Variants in INSR observed in about 807,000 individuals in gnomAD.
INSR encodes IR.
Under a neutral mutation model 142.6 loss-of-function variants are expected in INSR, and 67 were observed. That is an observed-to-expected ratio of 0.47 (90% confidence interval 0.39 to 0.58). The LOEUF is 0.58. INSR is among the 20% of genes least tolerant of loss of function. The pLI is 0.00. For synonymous variants in INSR, 756 were observed against 743.1 expected (o/e 1.02, Z -0.28); for missense variants, 1,248 against 1,833.2 (o/e 0.68, Z 5.83).
intron 9 of INSR, among the ~76,000 whole-genome samples, chr19:7,160,958 T>C (rs1973732521): frequency 6.8e-6 from 1 of 146,008 alleles, no homozygotes; most frequent in Non-Finnish European, 1.5e-5. Flanking sequence ...ATCAAGCCAC[T>C]GCACTCCAGC....
intron 1 of INSR, among the ~76,000 whole-genome samples, chr19:7,273,507 C>G (rs546772902): frequency 1.3e-5 from 2 of 149,636 alleles, no homozygotes; most frequent in Non-Finnish European, 3.0e-5. Context: ...CTAATATTTT[C>G]TTTTTTCTTT....
intron 2 of INSR, among the ~76,000 whole-genome samples, chr19:7,217,953 C>T (rs774448347): frequency 2.0e-5 from 3 of 152,164 alleles, no homozygotes; most frequent in Non-Finnish European, 4.4e-5. Flanking sequence ...AGATAAATTC[C>T]CCAGGAATGG....
chr19:7,154,638 A>AGGTGGCTG (rs2144904154), intron 9 of INSR, among the ~76,000 whole-genome samples: 1 of 147,914 alleles, frequency 6.8e-6, no homozygotes, highest in African/African-American at 2.5e-5. Flanking sequence ...AGAAACTGCC[A>AGGTGGCTG]GGTGGCTGGG....
chr19:7,261,831 C>T (rs1477761357), intron 2 of INSR, among the ~76,000 whole-genome samples: 10 of 152,100 alleles, frequency 6.6e-5, no homozygotes, highest in African/African-American at 2.4e-4. Flanking sequence ...CACACCCGGC[C>T]CCCTTAACCA....
At chr19:7,135,836 T>C (rs1243661951) in intron 13 of INSR, among the ~76,000 whole-genome samples, 1 of 151,764 alleles carries the variant, frequency 6.6e-6, no homozygotes. Context: ...GGCGAGGTCG[T>C]GGGTTCCTGT....
Position 7,126,506 on chromosome 19 carries a change from C to A in INSR, c.3013+78G>T. On this transcript the variant is annotated intron_variant, in intron 16 of 21. Transcript: ENST00000302850. ...TGGCCTCCCTGGGGAACCCATCCTT[C>A]ACTCTCACTCAATGGTGAAGGCAAA... 3.1e-6 allele frequency: 4 copies of A among 1,300,218 alleles called. No homozygotes were observed. In the South Asian group the frequency reaches 5.1e-5, roughly 17 times the overall value. The allele number at this position is 1,300,218 out of a possible 1,614,324, so 80.5% of individuals were successfully genotyped here. A position where few individuals can be genotyped will look rare whatever the true frequency, so the allele number is the denominator to read the frequency against.
intron 2 of INSR, among the ~76,000 whole-genome samples, chr19:7,205,515 A>C (rs1975084236): frequency 6.6e-6 from 1 of 152,184 alleles, no homozygotes; most frequent in African/African-American, 2.4e-5. Context: ...TCAGTCCCGC[A>C]GTAGCCAGGC....
intron 2 of INSR, among the ~76,000 whole-genome samples, chr19:7,232,627 GA>G (rs1976017168): frequency 6.6e-6 from 1 of 152,048 alleles, no homozygotes; most frequent in Non-Finnish European, 1.5e-5. Context: ...TGGCTAACAA[GA>G]TGAAACCCTG....
chr19:7,174,829 T>G, intron 3 of INSR, 98 bp from the exon 4 acceptor site: 3 of 1,251,870 alleles, frequency 2.4e-6, no homozygotes, highest in Non-Finnish European at 3.4e-6. Context: ...CTGCCTGATA[T>G]GGTATTTCTT....
Position 7,119,767 on chromosome 19 carries a change from AAC to A in INSR, c.3660-186_3660-185del, listed in dbSNP as rs1213360722. 1.5e-5 allele frequency among the ~76,000 whole-genome samples: 2 copies of A among 136,694 alleles called. No homozygotes were observed. Among genetic ancestry groups the A allele is most frequent in the Non-Finnish European group, 3.2e-5 (2 of 62,934 alleles). The allele number at this position is 136,694 out of a possible 152,430, so 89.7% of individuals were successfully genotyped here. A position where few individuals can be genotyped will look rare whatever the true frequency, so the allele number is the denominator to read the frequency against. ...GTGCACACACATGCAAATACACACA[AAC>A]ACGCATGCGCACACATGCACACACA... On this transcript the variant is annotated intron_variant, in intron 20 of 21. Transcript: ENST00000302850. This position sits in a 1 kb window ranked among gnomAD's most constrained non-coding sequence, Gnocchi z 5.2.
intron 2 of INSR, among the ~76,000 whole-genome samples, chr19:7,262,075 T>A: frequency 6.6e-6 from 1 of 152,216 alleles, no homozygotes; most frequent in East Asian, 1.9e-4. Context: ...AAAGAGGGGT[T>A]GATGGATAGT....
At chr19:7,221,275 G>A (rs1331996959) in intron 2 of INSR, among the ~76,000 whole-genome samples, 1 of 152,122 alleles carries the variant, frequency 6.6e-6, no homozygotes, top group Non-Finnish European at 1.5e-5. Context: ...TCGGGAGGCT[G>A]AAGTGGGAGA....
chr19:7,129,065 C>T, intron 14 of INSR, 111 bp from the exon 15 acceptor site: 1 of 789,762 alleles, frequency 1.3e-6, no homozygotes, highest in Admixed American at 2.0e-5. Context: ...TCCTTCCCTC[C>T]CTTGTCCATA....
At chr19:7,132,424 C>A in intron 13 of INSR, 107 bp from the exon 14 acceptor site, 1 of 1,276,118 alleles carries the variant, frequency 7.8e-7, no homozygotes, top group Non-Finnish European at 1.1e-6. Context: ...GAAATGACGC[C>A]AAGGCAGCAA....
chr19:7,262,920 T>C (rs753807217), intron 2 of INSR, among the ~76,000 whole-genome samples: 2 of 152,090 alleles, frequency 1.3e-5, no homozygotes, highest in Non-Finnish European at 2.9e-5. Context: ...TGGGAGATGG[T>C]GGTGGTGATG....
At chr19:7,253,244 A>ATTTT (rs1465263930) in intron 2 of INSR, among the ~76,000 whole-genome samples, 4 of 151,392 alleles carry the variant, frequency 2.6e-5, no homozygotes, top group Admixed American at 6.6e-5. Flanking sequence ...TTATTTATTT[A>ATTTT]TTTAATTATT....
intron 3 of INSR, among the ~76,000 whole-genome samples, chr19:7,177,089 T>C (rs1974151275): frequency 6.6e-6 from 1 of 152,170 alleles, no homozygotes; most frequent in African/African-American, 2.4e-5. Context: ...CAGGAGTCCT[T>C]TGGGAACCAG....
At chr19:7,121,233 A>G (rs970276704) in intron 19 of INSR, among the ~76,000 whole-genome samples, 1 of 152,056 alleles carries the variant, frequency 6.6e-6, no homozygotes, top group Non-Finnish European at 1.5e-5. Context: ...TCCTGATCTC[A>G]GGTAATCTAC....
chr19:7,238,721 A>T (rs767577611), intron 2 of INSR, among the ~76,000 whole-genome samples: 24 of 151,494 alleles, frequency 1.6e-4, no homozygotes, highest in Non-Finnish European at 2.6e-4. Context: ...ACAAGGGTCC[A>T]GGCCGGAGAA....
Sources: gnomAD v4.1 joint callset for allele counts (sites outside exome capture counted in the v4.1 genomes callset) on GRCh38, gnomAD v4.1.1 for gene constraint, Gnocchi (gnomAD v3.1) non-coding constraint, MANE v1.5 for transcripts, NCBI Gene and HGNC (gene_info 2026-07-23, HGNC 2026-07-21) for gene names.